PRKAR2B: variants seen among roughly 807,000 people sequenced by gnomAD.
The protein encoded by PRKAR2B is cAMP-dependent protein kinase type II-beta regulatory subunit.
Under a neutral mutation model 49.9 loss-of-function variants are expected in PRKAR2B, and 14 were observed. The ratio of observed to expected loss-of-function variants is 0.28; its 90% confidence interval spans 0.19 to 0.44. PRKAR2B has a LOEUF of 0.44. Among genes scored for constraint, PRKAR2B ranks in the 20% least tolerant of loss-of-function variants. The probability of loss-of-function intolerance (pLI) is 1.00; values close to 1 mark genes in which losing one functional copy is unlikely to be tolerated. For synonymous variants in PRKAR2B, 196 were observed against 197.7 expected, an observed-to-expected ratio of 0.99 and a Z score of 0.07; for missense variants, 393 against 537.9, an observed-to-expected ratio of 0.73 and a Z score of 2.67.
chr7:107,132,714 G>A (rs768384174), intron 4 of PRKAR2B, among the ~76,000 whole-genome samples: 2 of 152,136 alleles, frequency 1.3e-5, no homozygotes, highest in Non-Finnish European at 1.5e-5. Context: ...AAACTTGAAG[G>A]AGGAAGGGGA....
chr7:107,114,731 A>C (rs1285095017), intron 2 of PRKAR2B, among the ~76,000 whole-genome samples: 5 of 151,982 alleles, frequency 3.3e-5, no homozygotes, highest in African/African-American at 1.2e-4. Flanking sequence ...ATTTGTTTGA[A>C]GGTCTCAATT....
At chr7:107,145,544 G>T (rs1795873553) in intron 5 of PRKAR2B, among the ~76,000 whole-genome samples, 1 of 152,056 alleles carries the variant, frequency 6.6e-6, no homozygotes, top group Non-Finnish European at 1.5e-5. Context: ...TACAGTCAGT[G>T]ATTTGATAAA....
At chr7:107,136,372 G>A (rs1234312459) in intron 4 of PRKAR2B, among the ~76,000 whole-genome samples, 1 of 152,132 alleles carries the variant, frequency 6.6e-6, no homozygotes, top group Non-Finnish European at 1.5e-5. Flanking sequence ...ACTGTGAGCA[G>A]AATGAAAAGA....
At chr7:107,145,287 C>T (rs189096921) in intron 5 of PRKAR2B, among the ~76,000 whole-genome samples, 2 of 152,268 alleles carry the variant, frequency 1.3e-5, no homozygotes, top group Admixed American at 1.3e-4. Flanking sequence ...TGCAGTGAAA[C>T]TTTATTTACA....
At chr7:107,088,060 AATT>A (rs1794655079) in intron 2 of PRKAR2B, among the ~76,000 whole-genome samples, 1 of 152,138 alleles carries the variant, frequency 6.6e-6, no homozygotes, top group Non-Finnish European at 1.5e-5. Flanking sequence ...TATGTCGTGT[AATT>A]CTCTCATCAG....
chr7:107,091,932 A>T (rs1240716177), intron 2 of PRKAR2B: 1 of 152,128 alleles, frequency 6.6e-6, no homozygotes, highest in Non-Finnish European at 1.5e-5. Flanking sequence ...ATCCTAACTC[A>T]TGTATTTATT....
chr7:107,135,701 A>G (rs1283967750), intron 4 of PRKAR2B, among the ~76,000 whole-genome samples: 2 of 121,444 alleles, frequency 1.6e-5, no homozygotes, highest in Admixed American at 8.9e-5. Context: ...AAAACTATCA[A>G]ATTATGAAGG....
rs1366914480 is a variant in PRKAR2B at position 107,160,066 on chromosome 7, T to A, written c.*484T>A. 6.5e-6 allele frequency: 1 copy of A among 153,030 alleles called. No homozygotes were observed. The highest frequency in any genetic ancestry group is 1.5e-5 in the Non-Finnish European group (1 of 68,330). 9.5% of individuals were successfully genotyped at this position (153,030 alleles called of 1,614,324 possible). A position where few individuals can be genotyped will look rare whatever the true frequency, so the allele number is the denominator to read the frequency against. ...TTTAATCATTTTTGTTTTAAAGTTT[T>A]CTAGCTTGATAAGTTATGTGCTGGC... On this transcript the variant is annotated 3_prime_UTR_variant, in exon 11 of 11. Coordinates refer to ENST00000265717, the MANE Select transcript of PRKAR2B (RefSeq NM_002736.3).
At chr7:107,058,159 G>A (rs1793951101) in intron 1 of PRKAR2B, among the ~76,000 whole-genome samples, 1 of 152,024 alleles carries the variant, frequency 6.6e-6, no homozygotes, top group African/African-American at 2.4e-5. Context: ...AAATAGATGT[G>A]TGTGTACACA....
intron 1 of PRKAR2B, among the ~76,000 whole-genome samples, chr7:107,069,236 G>A (rs944659738): frequency 3.9e-5 from 6 of 152,150 alleles, no homozygotes; most frequent in Admixed American, 2.0e-4. Flanking sequence ...GTGCCTGGCC[G>A]AAGGTGCTGA....
At chr7:107,121,653 G>A (rs2115584853) in intron 2 of PRKAR2B, among the ~76,000 whole-genome samples, 1 of 152,010 alleles carries the variant, frequency 6.6e-6, no homozygotes, top group South Asian at 2.1e-4. Flanking sequence ...TGTTCCTTTA[G>A]GTAATGTTTA....
At chr7:107,137,084 G>A (rs1311198792) in intron 4 of PRKAR2B, among the ~76,000 whole-genome samples, 1 of 152,112 alleles carries the variant, frequency 6.6e-6, no homozygotes, top group African/African-American at 2.4e-5. Context: ...ACTATTTAAC[G>A]TTCTGGAAAA....
At chr7:107,105,821 AACACTTCCTCGAGATGGATAACCCTG>A (rs931312527) in intron 2 of PRKAR2B, among the ~76,000 whole-genome samples, 15 of 152,160 alleles carry the variant, frequency 9.9e-5, no homozygotes, top group Non-Finnish European at 7.3e-5. Context: ...CTGATCTTGC[AACACTTCCTCGAGATGGATAACCCTG>A]AGGCAGAAGA....
At chr7:107,088,348 T>C (rs142097490) in intron 2 of PRKAR2B, among the ~76,000 whole-genome samples, 121 of 152,162 alleles carry the variant, frequency 8.0e-4, no homozygotes, top group African/African-American at 2.6e-3. Context: ...AGAGAATGCC[T>C]CTCTCAGGAG....
chr7:107,126,420 C>CAAAAAAAAAAAAAAAAAAAAAAA (rs35682952), intron 3 of PRKAR2B, among the ~76,000 whole-genome samples: 15 of 38,402 alleles, frequency 3.9e-4, no homozygotes, highest in Non-Finnish European at 4.7e-4. Context: ...GAATCTGTCT[C>CAAAAAAAAAAAAAAAAAAAAAAA]AAAAAAAAAA....
intron 2 of PRKAR2B, among the ~76,000 whole-genome samples, chr7:107,116,597 CA>C (rs934267725): frequency 2.6e-5 from 4 of 152,002 alleles, no homozygotes; most frequent in Non-Finnish European, 4.4e-5. Context: ...TGTCATCCCC[CA>C]CATTTCAAAA....
intron 2 of PRKAR2B, among the ~76,000 whole-genome samples, chr7:107,073,375 G>A (rs1794323502): frequency 6.6e-6 from 1 of 152,154 alleles, no homozygotes; most frequent in African/African-American, 2.4e-5. Flanking sequence ...TAAGTGAAAG[G>A]AATCAGTTTC....
intron 4 of PRKAR2B, among the ~76,000 whole-genome samples, chr7:107,132,350 G>A (rs991214474): frequency 1.3e-5 from 2 of 152,200 alleles, no homozygotes; most frequent in African/African-American, 2.4e-5. Context: ...TGTAGGCAGT[G>A]GGCACAGCTG....
At chr7:107,086,271 C>T (rs1418707466) in intron 2 of PRKAR2B, among the ~76,000 whole-genome samples, 2 of 151,792 alleles carry the variant, frequency 1.3e-5, no homozygotes, top group Non-Finnish European at 2.9e-5. Flanking sequence ...GTTGTTTGAC[C>T]TTGAGAGGGT....
Sources: gnomAD v4.1 joint callset for allele counts (sites outside exome capture counted in the v4.1 genomes callset) on GRCh38, gnomAD v4.1.1 for gene constraint, MANE v1.5 for transcripts, NCBI Gene and HGNC (gene_info 2026-07-23, HGNC 2026-07-21) for gene names.